The following OR9Q1 variants were observed in gnomAD, a reference collection of about 807,000 sequenced individuals.
OR9Q1 encodes the protein olfactory receptor family 9 subfamily Q member 1.
For synonymous variants in OR9Q1, 153 were observed against 148.6 expected (o/e 1.03, Z -0.22); for missense variants, 374 against 378.8 (o/e 0.99, Z 0.11).
At chr11:58,041,724 A>G (rs1022760284) in intron 1 of OR9Q1, 29 of 152,388 alleles carry the variant, frequency 1.9e-4, no homozygotes, top group African/African-American at 6.7e-4. Flanking sequence ...AGAGTGGGGA[A>G]GCTTTTGGAA....
At chr11:58,125,741 C>G (rs568252227) in intron 2 of OR9Q1, among the ~76,000 whole-genome samples, 1 of 152,274 alleles carries the variant, frequency 6.6e-6, no homozygotes, top group East Asian at 1.9e-4. Context: ...CTCATTATCT[C>G]AGCTTCTGCA....
intron 2 of OR9Q1, among the ~76,000 whole-genome samples, chr11:58,078,967 A>G (rs1244225204): frequency 6.6e-6 from 1 of 152,228 alleles, no homozygotes; most frequent in Non-Finnish European, 1.5e-5. Flanking sequence ...GAATTCTTTT[A>G]ACTCAATCTC....
chr11:58,115,769 A>G (rs1853948365), intron 2 of OR9Q1, among the ~76,000 whole-genome samples: 1 of 152,204 alleles, frequency 6.6e-6, no homozygotes, highest in Admixed American at 6.5e-5. Flanking sequence ...ATACATATAC[A>G]AAGAAGTACC....
chr11:58,120,340 A>G (rs183307987), intron 2 of OR9Q1, among the ~76,000 whole-genome samples: 3 of 152,330 alleles, frequency 2.0e-5, no homozygotes, highest in Non-Finnish European at 4.4e-5. Context: ...TCATACATTC[A>G]TAAAATAACA....
intron 2 of OR9Q1, chr11:58,144,594 G>A (rs939168574): frequency 3.3e-5 from 5 of 152,096 alleles, no homozygotes; most frequent in Admixed American, 6.6e-5. Context: ...CATCACCATG[G>A]GGGGCAACCT....
At chr11:58,031,429 A>G (rs1269699832) in intron 1 of OR9Q1, 1 of 1,614,062 alleles carries the variant, frequency 6.2e-7, no homozygotes, top group South Asian at 1.1e-5. Context: ...GTTTCCTCAC[A>G]CCCATCTTGC....
chr11:58,170,231 G>T (rs1016831693), intron 2 of OR9Q1, among the ~76,000 whole-genome samples: 2 of 151,000 alleles, frequency 1.3e-5, no homozygotes, highest in Admixed American at 6.6e-5. Context: ...ACTCAGGTTT[G>T]GGGGGTACTG....
intron 2 of OR9Q1, among the ~76,000 whole-genome samples, chr11:58,089,869 C>G (rs1255118160): frequency 6.6e-6 from 1 of 151,782 alleles, no homozygotes; most frequent in Non-Finnish European, 1.5e-5. Context: ...CCTTCACATC[C>G]TTTGTAAGTT....
chr11:58,057,784 T>A (rs1814858178), intron 2 of OR9Q1: 1 of 152,186 alleles, frequency 6.6e-6, no homozygotes. Flanking sequence ...CCCTTGGCAG[T>A]TTTGATGTCA....
intron 2 of OR9Q1, among the ~76,000 whole-genome samples, chr11:58,172,059 C>T (rs762970633): frequency 1.3e-5 from 2 of 152,144 alleles, no homozygotes; most frequent in African/African-American, 2.4e-5. Context: ...AATGAGGAGA[C>T]AATTGCATAA....
intron 2 of OR9Q1, among the ~76,000 whole-genome samples, chr11:58,074,130 A>G (rs779534427): frequency 6.6e-6 from 1 of 152,162 alleles, no homozygotes; most frequent in African/African-American, 2.4e-5. Context: ...CAATAAACAT[A>G]TGTGTGCATG....
At chr11:58,159,402 G>T (rs969086361) in intron 2 of OR9Q1, among the ~76,000 whole-genome samples, 2 of 152,016 alleles carry the variant, frequency 1.3e-5, no homozygotes, top group Admixed American at 6.6e-5. Context: ...GGACTTCCTC[G>T]TATGGGAAGA....
chr11:58,116,484 G>A (rs191006524), intron 2 of OR9Q1, among the ~76,000 whole-genome samples: 11 of 152,226 alleles, frequency 7.2e-5, no homozygotes, highest in Admixed American at 6.5e-4. Context: ...TCATATCCTT[G>A]TCAACACAGT....
intron 2 of OR9Q1, among the ~76,000 whole-genome samples, chr11:58,095,404 G>A (rs1853720603): frequency 6.6e-6 from 1 of 152,232 alleles, no homozygotes; most frequent in South Asian, 2.1e-4. Flanking sequence ...ATTTTTAATA[G>A]AGAGCATCTT....
In OR9Q1 at chr11:58,133,839, A is replaced by G. The variant is rs552588844; in HGVS notation, c.-14-45592A>G. The stretch of plus-strand genomic sequence containing the variant: ...AACAGGTAGGGTCTAAAATAGAACA[A>G]TCTCCTTTGTGGATGAGTAATTTCC... On this transcript the variant is annotated intron_variant, in intron 2 of 2. Coordinates refer to ENST00000335397, the MANE Select transcript of OR9Q1 (RefSeq NM_001005212.4). Among the ~76,000 whole-genome samples the G allele has an allele frequency of 9.2e-5, 14 of 152,300 alleles. No homozygotes were observed. In the South Asian group the frequency reaches 1.2e-3, roughly 14 times the overall value.
intron 2 of OR9Q1, among the ~76,000 whole-genome samples, chr11:58,131,139 A>G (rs572609961): frequency 6.6e-6 from 1 of 152,322 alleles, no homozygotes; most frequent in East Asian, 1.9e-4. Flanking sequence ...CAGAAGGACC[A>G]CTGATCTACA....
At chr11:58,151,254 C>T (rs1474475287) in intron 2 of OR9Q1, among the ~76,000 whole-genome samples, 3 of 152,176 alleles carry the variant, frequency 2.0e-5, no homozygotes, top group African/African-American at 7.2e-5. Flanking sequence ...GAAAAGAGCT[C>T]TCATACTCAT....
Position 58,179,901 on chromosome 11 carries a change from C to T in OR9Q1, c.457C>T (p.Leu153Phe), listed in dbSNP as rs1201743929. The change falls in exon 3 of 3, where the codon CTC becomes TTC. Residue 153 changes from leucine (L) to phenylalanine (F), a missense_variant. Transcript: ENST00000335397. Reference sequence around the variant, plus strand: ...TGTGGCTGGGGCTTACGTTGCTGGTCTCATCAGTGCCTTGGTGCGGACAGT... The same window carrying T: ...TGTGGCTGGGGCTTACGTTGCTGGTTTCATCAGTGCCTTGGTGCGGACAGT... ...SLVAGAYVAG[L>F]ISALVRTVSA... The T allele has an allele frequency of 2.5e-6, 4 of 1,614,042 alleles. No homozygotes were observed. Among genetic ancestry groups the T allele is most frequent in the South Asian group, 1.1e-5 (1 of 91,088 alleles).
intron 2 of OR9Q1, chr11:58,119,023 C>T: frequency 6.2e-6 from 10 of 1,613,938 alleles, no homozygotes; most frequent in Non-Finnish European, 8.5e-6. Flanking sequence ...CAGGCTCCAG[C>T]AGAGCCTGGG....
Sources: allele counts gnomAD v4.1 joint callset (sites outside exome capture counted in the v4.1 genomes callset), GRCh38; gene constraint gnomAD v4.1.1; transcripts MANE v1.5; gene names NCBI Gene and HGNC (gene_info 2026-07-23, HGNC 2026-07-21).